PDE1C: variants seen among roughly 807,000 people sequenced by gnomAD.
PDE1C encodes the protein dual specificity calcium/calmodulin-dependent 3',5'-cyclic nucleotide phosphodiesterase 1C.
A neutral mutation model predicts 93.1 loss-of-function variants in PDE1C; 62 were observed. The observed-to-expected ratio is 0.67, with a 90% CI of 0.54 to 0.82. The LOEUF (loss-of-function observed/expected upper bound fraction) is 0.82. PDE1C is among the 40% of genes least tolerant of loss of function. The pLI is 0.00. For missense variants in PDE1C, 742 were observed against 884.6 expected (o/e 0.84, Z 2.04); for synonymous variants, 325 against 310.1 (o/e 1.05, Z -0.50).
At chr7:32,146,637 T>C (rs1029506358) in intron 3 of PDE1C, among the ~76,000 whole-genome samples, 1 of 152,268 alleles carries the variant, frequency 6.6e-6, no homozygotes, top group Non-Finnish European at 1.5e-5. Flanking sequence ...TTTTGCCATG[T>C]GAGGGAACAC....
upstream of PDE1C, among the ~76,000 whole-genome samples, chr7:32,075,423 G>A (rs1796296314): frequency 6.6e-6 from 1 of 152,070 alleles, no homozygotes; most frequent in African/African-American, 2.4e-5. Context: ...ATGTGAGGCG[G>A]CCCCCACAAT....
chr7:32,238,783 C>T (rs185519908), intron 1 of PDE1C, among the ~76,000 whole-genome samples: 1 of 152,270 alleles, frequency 6.6e-6, no homozygotes, highest in East Asian at 1.9e-4. Flanking sequence ...TTAGTAGATG[C>T]TGGAACTGTT....
At chr7:31,807,420 C>T (rs957018226) in intron 16 of PDE1C, among the ~76,000 whole-genome samples, 3 of 151,560 alleles carry the variant, frequency 2.0e-5, no homozygotes, top group African/African-American at 7.3e-5. Context: ...CCCAAAAAAA[C>T]CTGTTTAATT....
At chr7:32,126,508 G>C (rs145599535) in intron 3 of PDE1C, among the ~76,000 whole-genome samples, 2 of 152,170 alleles carry the variant, frequency 1.3e-5, no homozygotes, top group African/African-American at 4.8e-5. Context: ...AGTCTGGCTA[G>C]ATAACTAAGG....
rs1491529291 is a variant in PDE1C at position 32,128,905 on chromosome 7, A to AT, written c.308+40879_308+40880insA. On this transcript the variant is annotated intron_variant, in intron 3 of 18. Coordinates refer to the PDE1C transcript ENST00000396193. ...TGTACCCTAGAACTTAAAGTATAAC[A>AT]AATATATATATATATATATATATAT... Among the ~76,000 whole-genome samples the AT allele has an allele frequency of 1.3e-3, 114 of 86,932 alleles. 3 individuals carry two copies. The highest frequency in any genetic ancestry group is 4.9e-3 in the African/African-American group (107 of 22,042). The allele number at this position is 86,932 out of a possible 152,430, so 57.0% of individuals were successfully genotyped here. A position where few individuals can be genotyped will look rare whatever the true frequency, so the allele number is the denominator to read the frequency against.
intron 3 of PDE1C, among the ~76,000 whole-genome samples, chr7:32,169,312 G>A (rs1802498431): frequency 6.6e-6 from 1 of 152,134 alleles, no homozygotes; most frequent in Non-Finnish European, 1.5e-5. Flanking sequence ...ACAGCCACCT[G>A]GGAAACAACA....
the PDE1C span, among the ~76,000 whole-genome samples, chr7:31,648,573 C>G: frequency 6.6e-6 from 1 of 152,094 alleles, no homozygotes; most frequent in Admixed American, 6.6e-5. Flanking sequence ...CCAAAACACC[C>G]CAGTCTTATA....
chr7:32,178,886 G>T (rs1051743578), intron 2 of PDE1C, among the ~76,000 whole-genome samples: 2 of 152,186 alleles, frequency 1.3e-5, no homozygotes, highest in African/African-American at 4.8e-5. Context: ...GAGAGCAGGG[G>T]CTCAGATTCA....
intron 1 of PDE1C, among the ~76,000 whole-genome samples, chr7:32,362,488 A>G (rs917637566): frequency 1.3e-5 from 2 of 151,996 alleles, no homozygotes; most frequent in African/African-American, 2.4e-5. Flanking sequence ...TTTTTCCCTC[A>G]CTTTGATCTC....
the PDE1C span, among the ~76,000 whole-genome samples, chr7:31,742,088 T>C: frequency 6.6e-6 from 1 of 152,270 alleles, no homozygotes; most frequent in Non-Finnish European, 1.5e-5. Flanking sequence ...AAGGAATGAA[T>C]CAGTGGTATT....
chr7:32,125,235 T>C (rs529721457), intron 3 of PDE1C, among the ~76,000 whole-genome samples: 2 of 152,240 alleles, frequency 1.3e-5, no homozygotes, highest in Non-Finnish European at 2.9e-5. Flanking sequence ...CTGGTGAGGC[T>C]ATGGAGAAAT....
chr7:32,381,982 C>T (rs1784544711), intron 1 of PDE1C, among the ~76,000 whole-genome samples: 1 of 152,092 alleles, frequency 6.6e-6, no homozygotes, highest in Non-Finnish European at 1.5e-5. Flanking sequence ...AGCATTTTTA[C>T]ATAAATTAAT....
the PDE1C span, among the ~76,000 whole-genome samples, chr7:31,648,789 C>T: frequency 6.6e-6 from 1 of 152,230 alleles, no homozygotes; most frequent in Admixed American, 6.5e-5. Context: ...TGCTAAGGGA[C>T]AAGCAACTTA....
At chr7:32,269,967 G>A (rs191017034) in intron 1 of PDE1C, among the ~76,000 whole-genome samples, 1 of 151,868 alleles carries the variant, frequency 6.6e-6, no homozygotes, top group Non-Finnish European at 1.5e-5. Context: ...GTAGAGATGG[G>A]GTCTTGCTAT....
intron 16 of PDE1C, among the ~76,000 whole-genome samples, chr7:31,783,321 C>T (rs890754849): frequency 6.6e-6 from 1 of 152,044 alleles, no homozygotes; most frequent in Non-Finnish European, 1.5e-5. Context: ...TGAAATGAAA[C>T]GTGATATAGT....
intron 1 of PDE1C, among the ~76,000 whole-genome samples, chr7:32,284,579 T>C (rs1811879849): frequency 6.6e-6 from 1 of 152,242 alleles, no homozygotes; most frequent in Non-Finnish European, 1.5e-5. Context: ...CACCTACTGC[T>C]ATTATCATCC....
intron 1 of PDE1C, among the ~76,000 whole-genome samples, chr7:32,264,816 T>C (rs568477878): frequency 2.0e-4 from 31 of 152,298 alleles, no homozygotes; most frequent in African/African-American, 7.0e-4. Context: ...CAACCAACCA[T>C]ATGGCCTAGC....
intron 1 of PDE1C, among the ~76,000 whole-genome samples, chr7:32,247,599 A>G (rs1260803850): frequency 6.6e-6 from 1 of 152,212 alleles, no homozygotes; most frequent in East Asian, 1.9e-4. Flanking sequence ...ATGCTGCAAA[A>G]GTGTAGGCAG....
In PDE1C at chr7:32,265,057, G is replaced by C. The variant is rs181085033; in HGVS notation, c.85+33594C>G. Among the ~76,000 whole-genome samples the C allele has an allele frequency of 3.5e-4, 53 of 152,306 alleles. 1 individual carries two copies. The East Asian group carries it at 5.6e-3, about 16-fold the overall frequency. On this transcript the variant is annotated intron_variant, in intron 1 of 18. Coordinates refer to the PDE1C transcript ENST00000396193. ...ACTCAGAAATATAAAATTAAGGGTA[G>C]TAATGGGTTCAAGCAGTTAACAAAA...
Sources: gnomAD v4.1 joint callset for allele counts (sites outside exome capture counted in the v4.1 genomes callset) on GRCh38, gnomAD v4.1.1 for gene constraint, MANE v1.5 for transcripts, NCBI Gene and HGNC (gene_info 2026-07-23, HGNC 2026-07-21) for gene names.